The following PPARGC1A variants were observed in gnomAD, a reference collection of about 807,000 sequenced individuals.
PPARGC1A encodes the protein PPARG coactivator 1 alpha, also known as peroxisome proliferator-activated receptor gamma coactivator 1-alpha.
Under a neutral mutation model 88.7 loss-of-function variants are expected in PPARGC1A, and 25 were observed. The ratio of observed to expected loss-of-function variants is 0.28; its 90% CI spans 0.21 to 0.39. The LOEUF (loss-of-function observed/expected upper bound fraction) is 0.39. Ranked by LOEUF, PPARGC1A falls within the 10% of genes least tolerant of loss-of-function variation. PPARGC1A has a pLI of 1.00. For missense variants in PPARGC1A, 880 were observed against 968.7 expected, an observed-to-expected ratio of 0.91 and a Z score of 1.22; for synonymous variants, 363 against 355.6, an observed-to-expected ratio of 1.02 and a Z score of -0.24.
chr4:24,462,379 G>C, the PPARGC1A span, among the ~76,000 whole-genome samples: 1 of 151,898 alleles, frequency 6.6e-6, no homozygotes, highest in East Asian at 1.9e-4. Context: ...TTACAGGTGT[G>C]AGCCACCGCG....
At chr4:24,323,808 G>C in the PPARGC1A span, among the ~76,000 whole-genome samples, 1 of 152,138 alleles carries the variant, frequency 6.6e-6, no homozygotes, top group Non-Finnish European at 1.5e-5. Flanking sequence ...ATCCACCTAC[G>C]ACCTCAGGTC....
chr4:23,888,980 A>C, intron 1 of PPARGC1A: 1 of 985,388 alleles, frequency 1.0e-6, no homozygotes, highest in Non-Finnish European at 1.2e-6. Flanking sequence ...CAAGTTGCCC[A>C]AACTTTCCTT....
chr4:24,016,791 G>A, the PPARGC1A span, among the ~76,000 whole-genome samples: 1 of 152,100 alleles, frequency 6.6e-6, no homozygotes, highest in African/African-American at 2.4e-5. Flanking sequence ...AATATCAGAG[G>A]ACAAATTACA....
the PPARGC1A span, among the ~76,000 whole-genome samples, chr4:24,291,070 A>G: frequency 6.6e-6 from 1 of 152,056 alleles, no homozygotes; most frequent in African/African-American, 2.4e-5. Flanking sequence ...GGCACTTTCT[A>G]TCTCTCAGAT....
chr4:24,227,342 C>T, the PPARGC1A span, among the ~76,000 whole-genome samples: 4 of 152,170 alleles, frequency 2.6e-5, no homozygotes, highest in Non-Finnish European at 4.4e-5. Flanking sequence ...CTGCATCAGC[C>T]TCCCAAAGTG....
the PPARGC1A span, among the ~76,000 whole-genome samples, chr4:23,932,321 T>C: frequency 2.4e-5 from 2 of 84,760 alleles, no homozygotes; most frequent in Non-Finnish European, 5.3e-5. Flanking sequence ...CTGGGAACTA[T>C]CTAGTCCATC....
At chr4:23,919,232 G>A in the PPARGC1A span, among the ~76,000 whole-genome samples, 1 of 152,050 alleles carries the variant, frequency 6.6e-6, no homozygotes, top group Non-Finnish European at 1.5e-5. Flanking sequence ...ATACATTTAG[G>A]ATAATGTTTA....
the PPARGC1A span, among the ~76,000 whole-genome samples, chr4:24,469,142 G>T: frequency 6.6e-6 from 1 of 152,328 alleles, no homozygotes; most frequent in Non-Finnish European, 1.5e-5. Context: ...GTAAAATCAT[G>T]AACAAGTCTC....
the PPARGC1A span, among the ~76,000 whole-genome samples, chr4:24,404,869 C>G: frequency 6.6e-6 from 1 of 152,160 alleles, no homozygotes; most frequent in Non-Finnish European, 1.5e-5. Context: ...GTGACTGCAG[C>G]TTTTTCCCTC....
the PPARGC1A span, among the ~76,000 whole-genome samples, chr4:24,430,407 G>A: frequency 2.0e-4 from 30 of 151,554 alleles, no homozygotes; most frequent in African/African-American, 5.6e-4. Flanking sequence ...GCAGGCGCCC[G>A]CCACCACGCC....
At chr4:24,034,138 G>T in the PPARGC1A span, among the ~76,000 whole-genome samples, 1 of 152,216 alleles carries the variant, frequency 6.6e-6, no homozygotes, top group Non-Finnish European at 1.5e-5. Flanking sequence ...CTCCCCAGGA[G>T]TAGCTCAGAA....
At chr4:24,345,952 C>A in the PPARGC1A span, among the ~76,000 whole-genome samples, 1 of 152,024 alleles carries the variant, frequency 6.6e-6, no homozygotes, top group African/African-American at 2.4e-5. Flanking sequence ...AAGGTATATG[C>A]CTTGTATGCT....
the PPARGC1A span, among the ~76,000 whole-genome samples, chr4:24,396,531 G>A: frequency 7.2e-5 from 11 of 152,206 alleles, no homozygotes; most frequent in South Asian, 1.0e-3. Flanking sequence ...AAAGAATGCC[G>A]ACATGGCTGT....
chr4:24,099,572 T>C, the PPARGC1A span, among the ~76,000 whole-genome samples: 6 of 152,088 alleles, frequency 3.9e-5, no homozygotes, highest in Admixed American at 6.6e-5. Context: ...TAGGCACAAA[T>C]TGATTTACAA....
the PPARGC1A span, among the ~76,000 whole-genome samples, chr4:24,351,464 A>ATTTACT: frequency 1.3e-5 from 2 of 152,092 alleles, no homozygotes; most frequent in Non-Finnish European, 2.9e-5. Flanking sequence ...CGATTACAAA[A>ATTTACT]CAACTCAAAA....
the PPARGC1A span, among the ~76,000 whole-genome samples, chr4:24,395,129 T>A: frequency 6.6e-6 from 1 of 152,162 alleles, no homozygotes; most frequent in Non-Finnish European, 1.5e-5. Flanking sequence ...CTTCCAAAAC[T>A]TCTGTTGGTT....
chr4:24,421,576 G>T, the PPARGC1A span, among the ~76,000 whole-genome samples: 5 of 152,162 alleles, frequency 3.3e-5, no homozygotes, highest in South Asian at 1.0e-3. Context: ...CTCCCAAAGT[G>T]CTGGGATTAC....
At chr4:23,957,095 C>A in the PPARGC1A span, among the ~76,000 whole-genome samples, 1 of 152,092 alleles carries the variant, frequency 6.6e-6, no homozygotes, top group Non-Finnish European at 1.5e-5. Flanking sequence ...AGTTCACATG[C>A]TAATCACAGC....
chr4:24,280,356 G>A, the PPARGC1A span, among the ~76,000 whole-genome samples: 4 of 152,166 alleles, frequency 2.6e-5, no homozygotes, highest in Non-Finnish European at 5.9e-5. Context: ...TTCCCAGGAA[G>A]CAGAAAGGGC....
Sources: allele counts gnomAD v4.1 joint callset (sites outside exome capture counted in the v4.1 genomes callset), GRCh38; gene constraint gnomAD v4.1.1; transcripts MANE v1.5; gene names NCBI Gene and HGNC (gene_info 2026-07-23, HGNC 2026-07-21).